Variants in MRO observed in about 807,000 individuals in gnomAD.
MRO encodes the protein maestro.
A neutral mutation model predicts 31.0 loss-of-function variants in MRO; 28 were observed. The observed-to-expected ratio is 0.90, with a 90% confidence interval of 0.67 to 1.24. The LOEUF (loss-of-function observed/expected upper bound fraction) is 1.24. Among genes scored for constraint, MRO ranks in the 50% most tolerant of loss-of-function variants. The probability of loss-of-function intolerance (pLI) is 0.00; values close to 1 mark genes in which losing one functional copy is unlikely to be tolerated. For synonymous variants in MRO, 108 were observed against 108.4 expected, an observed-to-expected ratio of 1.00 and a Z score of 0.02; for missense variants, 332 against 289.2, an observed-to-expected ratio of 1.15 and a Z score of -1.07.
At chr18:50,808,665 G>A (rs529830284) in intron 3 of MRO, among the ~76,000 whole-genome samples, 10 of 151,100 alleles carry the variant, frequency 6.6e-5, no homozygotes, top group Admixed American at 2.0e-4. Flanking sequence ...CCACGTTGCC[G>A]GCTGGTCTAG....
chr18:50,812,738 G>A (rs2586774), intron 2 of MRO, among the ~76,000 whole-genome samples: 28,218 of 152,060 alleles, frequency 0.19, 2,780 homozygotes, highest in Non-Finnish European at 0.21. Context: ...ACTTGTATGT[G>A]TTTTGTGTTT....
chr18:50,799,737 C>T (rs571709887), intron 7 of MRO, among the ~76,000 whole-genome samples: 2 of 152,070 alleles, frequency 1.3e-5, no homozygotes, highest in South Asian at 4.2e-4. Context: ...GTGGTGAAAC[C>T]CCATCTCTAC....
intron 5 of MRO, among the ~76,000 whole-genome samples, chr18:50,804,524 G>A (rs1211924915): frequency 6.6e-6 from 1 of 152,102 alleles, no homozygotes; most frequent in Non-Finnish European, 1.5e-5. Flanking sequence ...TACTTGGGAG[G>A]CTGAGGTGGG....
intron 6 of MRO, among the ~76,000 whole-genome samples, chr18:50,800,432 G>A (rs368241002): frequency 3.7e-4 from 57 of 152,288 alleles, no homozygotes; most frequent in African/African-American, 1.3e-3. Flanking sequence ...CTCTCTCTCA[G>A]TAACTTAAAG....
Position 50,805,050 on chromosome 18 carries a change from C to T in MRO, c.429+104G>A, listed in dbSNP as rs574503780. The stretch of plus-strand genomic sequence containing the variant: ...CGTGATCCCACCCGCCTCGGCCTCC[C>T]AAAGTGCTGAGATTACAGGCATGAG... On this transcript the variant is annotated intron_variant, in intron 5 of 7. Coordinates refer to ENST00000398439, the MANE Select transcript of MRO (RefSeq NM_031939.6). 301 of 953,178 alleles carry T rather than the reference C, an allele frequency of 3.2e-4. 1 individual carries two copies. The Middle Eastern group carries it at 5.7e-3, about 18-fold the overall frequency. The allele number at this position is 953,178 out of a possible 1,614,324, so 59.0% of individuals were successfully genotyped here. A position where few individuals can be genotyped will look rare whatever the true frequency, so the allele number is the denominator to read the frequency against.
upstream of MRO, among the ~76,000 whole-genome samples, chr18:50,823,389 G>A (rs912817695): frequency 2.0e-5 from 3 of 152,230 alleles, no homozygotes; most frequent in Admixed American, 1.3e-4. Flanking sequence ...CCGTGGCCTA[G>A]GTCTCCTCAC....
chr18:50,802,573 G>A (rs117402445), intron 5 of MRO, among the ~76,000 whole-genome samples: 47 of 152,144 alleles, frequency 3.1e-4, no homozygotes, highest in Non-Finnish European at 5.7e-4. Context: ...GGCTGGGGTG[G>A]GCCTTCACAG....
At chr18:50,800,815 G>A (rs1242369793) in intron 6 of MRO, among the ~76,000 whole-genome samples, 1 of 150,030 alleles carries the variant, frequency 6.7e-6, no homozygotes, top group Non-Finnish European at 1.5e-5. Flanking sequence ...GAACCCCAGA[G>A]GCGGAAGTTG....
At chr18:50,809,232 C>G in intron 3 of MRO, 70 bp downstream of exon 3, 1 of 1,185,724 alleles carries the variant, frequency 8.4e-7, no homozygotes. Context: ...TAACCACAGA[C>G]CAAGCAAACA....
chr18:50,805,073 G>A (rs763938566), intron 5 of MRO, 81 bp downstream of exon 5: 167 of 1,226,266 alleles, frequency 1.4e-4, no homozygotes, highest in Non-Finnish European at 1.7e-4. Flanking sequence ...TTACAGGCAT[G>A]AGCCACCGCA....
chr18:50,815,368 G>T lies in MRO; in HGVS notation c.-5+4213C>A, dbSNP rs112823663. 6.5e-3 allele frequency: 1,690 copies of T among 259,222 alleles called. 23 individuals are homozygous for T. The highest frequency in any genetic ancestry group is 0.034 in the African/African-American group (1,519 of 44,190). The allele number at this position is 259,222 out of a possible 1,614,324, so 16.1% of individuals were successfully genotyped here. ...TTGGTGGAAAGGAGGCTATGGTGGT[G>T]AAGGTGATGGTAGCAGAGACAGTTA... is the stretch of plus-strand genomic sequence containing the variant. On this transcript the variant is annotated intron_variant, in intron 2 of 7. Coordinates refer to ENST00000398439, the MANE Select transcript of MRO (RefSeq NM_031939.6).
chr18:50,814,616 C>G (rs781654114), intron 2 of MRO: 20 of 213,096 alleles, frequency 9.4e-5, no homozygotes, highest in Non-Finnish European at 1.7e-4. Context: ...GGGCATATAG[C>G]GGAACCAAAG....
At position 50,799,210 on chromosome 18, in the gene MRO, A is replaced by G. The variant is rs2144571281; in HGVS notation, c.*127T>C. On this transcript the variant is annotated 3_prime_UTR_variant, in exon 8 of 8. Coordinates refer to ENST00000398439, the MANE Select transcript of MRO (RefSeq NM_031939.6). The stretch of plus-strand genomic sequence containing the variant: ...TATTTTTGCCTTTGATTGCTCTCCC[A>G]GCACCCTCTTTCCCATTACAATCCC... 2.5e-6 allele frequency: 2 copies of G among 805,962 alleles called. No individual in the cohort carries two copies. The highest frequency in any genetic ancestry group is 5.0e-5 in the East Asian group (2 of 40,242). The allele number at this position is 805,962 out of a possible 1,614,324, so 49.9% of individuals were successfully genotyped here. A position where few individuals can be genotyped will look rare whatever the true frequency, so the allele number is the denominator to read the frequency against.
upstream of MRO, among the ~76,000 whole-genome samples, chr18:50,824,392 G>C (rs992871984): frequency 6.6e-6 from 1 of 151,938 alleles, no homozygotes; most frequent in African/African-American, 2.4e-5. Flanking sequence ...AGTAAGCCAT[G>C]ATCATGCCAC....
In MRO at chr18:50,805,283, G is replaced by C; in HGVS notation, c.300C>G (p.Asp100Glu). The part of the protein sequence containing the change: ...VLDLLVYGLY[D>E]PVNLEVIHES... ...CATGGATGACTTCCAAATTCACAGG[G>C]TCATACAGTCCATACACCAGCAGGT... Residue 100 changes from aspartate (D) to glutamate (E), a missense_variant, in exon 5 of 8, where the codon GAC (aspartate) becomes GAG (glutamate). Transcript: ENST00000398439. 6.2e-7 allele frequency: 1 copy of C among 1,614,014 alleles called. No homozygotes were observed. Among genetic ancestry groups the C allele is most frequent in the Non-Finnish European group, 8.5e-7 (1 of 1,180,006 alleles).
At chr18:50,820,166 G>C (rs902550441), upstream of MRO, 21 of 599,648 alleles carry the variant, frequency 3.5e-5, no homozygotes, top group African/African-American at 2.8e-4. Flanking sequence ...ACATAATCCT[G>C]TTAGAGCGCA....
At chr18:50,811,979 T>C (rs1220894904) in intron 2 of MRO, among the ~76,000 whole-genome samples, 3 of 152,060 alleles carry the variant, frequency 2.0e-5, no homozygotes, top group Non-Finnish European at 4.4e-5. Context: ...TGACCTCAAG[T>C]GATCTGCCTA....
intron 2 of MRO, among the ~76,000 whole-genome samples, chr18:50,818,127 C>T (rs1022258965): frequency 3.3e-5 from 5 of 151,966 alleles, no homozygotes; most frequent in African/African-American, 7.2e-5. Context: ...CAGAGAGGAT[C>T]GTTTTAAACA....
At chr18:50,819,329 G>T (rs771726521) in intron 2 of MRO, 49 of 613,902 alleles carry the variant, frequency 8.0e-5, no homozygotes, top group Non-Finnish European at 9.4e-5. Flanking sequence ...CTATTATATT[G>T]CTGACAATAG....
Sources: allele counts gnomAD v4.1 joint callset (sites outside exome capture counted in the v4.1 genomes callset), GRCh38; gene constraint gnomAD v4.1.1; transcripts MANE v1.5; gene names NCBI Gene and HGNC (gene_info 2026-07-23, HGNC 2026-07-21).